The following SAMSN1 variants were observed in gnomAD, a reference collection of about 807,000 sequenced individuals.
SAMSN1 encodes SAM domain, SH3 domain and nuclear localization signals 1, also known as SAM domain-containing protein SAMSN-1.
In SAMSN1, 31 loss-of-function variants were observed where a neutral mutation model predicts 42.0. The ratio of observed to expected loss-of-function variants is 0.74; its 90% CI spans 0.55 to 1.00. The LOEUF is 1.00. Among genes scored for constraint, SAMSN1 ranks in the 50% least tolerant of loss-of-function variants. The pLI is 0.00. For missense variants in SAMSN1, 464 were observed against 439.4 expected, an observed-to-expected ratio of 1.06 and a Z score of -0.50; for synonymous variants, 178 against 151.9, an observed-to-expected ratio of 1.17 and a Z score of -1.26.
intron 2 of SAMSN1, among the ~76,000 whole-genome samples, chr21:14,628,001 C>T (rs1245329231): frequency 1.3e-5 from 2 of 152,048 alleles, no homozygotes; most frequent in Non-Finnish European, 2.9e-5. Context: ...ACAAAGTTTG[C>T]TCTAGTCCAG....
intron 5 of SAMSN1, among the ~76,000 whole-genome samples, chr21:14,606,733 A>G (rs1200091234): frequency 6.6e-6 from 1 of 152,218 alleles, no homozygotes; most frequent in Admixed American, 6.5e-5. Context: ...CTCTTTTAAT[A>G]GAACAGATGT....
rs929708847 is a variant in SAMSN1 at position 14,604,037 on chromosome 21, C to A, written c.323-1938G>T. 4.6e-5 allele frequency among the ~76,000 whole-genome samples: 7 copies of A among 152,234 alleles called. No homozygotes were observed. In the South Asian group the frequency reaches 1.0e-3, roughly 23 times the overall value. On this transcript the variant is annotated intron_variant, in intron 5 of 15. Transcript: ENST00000647101. Reference sequence around the variant, plus strand: ...AGCTATAGAGGTACCATTTTACAGCCCCTGCTGTAAAAAATGGGGGACCTT... The same window carrying A: ...AGCTATAGAGGTACCATTTTACAGCACCTGCTGTAAAAAATGGGGGACCTT...
At chr21:14,618,709 C>CGTGT (rs140423899) in intron 2 of SAMSN1, among the ~76,000 whole-genome samples, 111 of 144,992 alleles carry the variant, frequency 7.7e-4, no homozygotes, top group East Asian at 3.5e-3. Context: ...CGCGCACGCG[C>CGTGT]GTGTGTGTGT....
chr21:14,585,873 A>T (rs1379003748), upstream of SAMSN1, among the ~76,000 whole-genome samples: 1 of 152,182 alleles, frequency 6.6e-6, no homozygotes. Flanking sequence ...TCCTCTTGTT[A>T]ATAGGTACTA....
upstream of SAMSN1, among the ~76,000 whole-genome samples, chr21:14,584,820 A>G (rs1037617435): frequency 6.6e-6 from 1 of 152,210 alleles, no homozygotes; most frequent in Admixed American, 6.5e-5. Context: ...ACATATTTAT[A>G]ATAATGCTTT....
chr21:14,612,000 C>T (rs1292580), intron 4 of SAMSN1, among the ~76,000 whole-genome samples: 17,735 of 152,012 alleles, frequency 0.12, 1,155 homozygotes, highest in African/African-American at 0.17. Context: ...TTTGAGAGGT[C>T]GAGGCAGGCG....
chr21:14,545,033 T>C (rs1980297675), intron 1 of SAMSN1, among the ~76,000 whole-genome samples: 2 of 152,242 alleles, frequency 1.3e-5, no homozygotes, highest in African/African-American at 2.4e-5. Flanking sequence ...GAGTTTTTCT[T>C]ATATTAGGGA....
chr21:14,653,269 T>C (rs1983863894), intron 1 of SAMSN1, among the ~76,000 whole-genome samples: 1 of 151,872 alleles, frequency 6.6e-6, no homozygotes, highest in Non-Finnish European at 1.5e-5. Context: ...GATGAATGGA[T>C]AAAGAAAATA....
At position 14,540,233 on chromosome 21, in the gene SAMSN1, C is replaced by G. The variant is rs558478324; in HGVS notation, c.57+5972G>C. ...TTACCATTCAGGACATAGGCATGGG[C>G]AAGGACTTCATGTCTAAAACACCAA... is the stretch of plus-strand genomic sequence containing the variant. On this transcript the variant is annotated intron_variant, in intron 1 of 7. Transcript: ENST00000400566. 9.0e-3 allele frequency among the ~76,000 whole-genome samples: 1,365 copies of G among 152,248 alleles called. 8 individuals are homozygous for G. The highest frequency in any genetic ancestry group is 0.026 in the South Asian group (124 of 4,830).
At chr21:14,609,731 G>A (rs562878752) in intron 4 of SAMSN1, among the ~76,000 whole-genome samples, 11 of 152,334 alleles carry the variant, frequency 7.2e-5, no homozygotes, top group East Asian at 5.8e-4. Flanking sequence ...CAGGGACCCC[G>A]AACGGAGGGA....
chr21:14,579,641 C>CTTTTTT (rs1247868810), intron 2 of SAMSN1, among the ~76,000 whole-genome samples: 10 of 89,136 alleles, frequency 1.1e-4, no homozygotes, highest in Admixed American at 2.4e-4. Context: ...AAAATGCTCA[C>CTTTTTT]TTTTTTTTTT....
At chr21:14,634,424 G>C (rs894661261) in intron 2 of SAMSN1, among the ~76,000 whole-genome samples, 2 of 151,814 alleles carry the variant, frequency 1.3e-5, no homozygotes, top group African/African-American at 4.8e-5. Flanking sequence ...ATGTGACAAA[G>C]GTCTAGTATC....
At chr21:14,658,420 T>G (rs1409072955) in intron 1 of SAMSN1, among the ~76,000 whole-genome samples, 1 of 151,920 alleles carries the variant, frequency 6.6e-6, no homozygotes, top group Non-Finnish European at 1.5e-5. Context: ...AGCCTGCATA[T>G]TTTGCAAAAT....
At chr21:14,490,793 T>G (rs576074844) in intron 7 of SAMSN1, among the ~76,000 whole-genome samples, 1 of 152,278 alleles carries the variant, frequency 6.6e-6, no homozygotes, top group East Asian at 1.9e-4. Context: ...TGCATATCTC[T>G]TTTTGGAGCC....
rs1228469023 is a variant in SAMSN1, at chr21:14,546,198, A to T, written c.57+7T>A. On this transcript the variant is annotated splice_region_variant and intron_variant, in intron 1 of 7. Transcript: ENST00000400566. ...ATTTTATTTAACTATGTATGAAATC[A>T]CCTTACCTTTGGTTTTTGATGTTTC... The T allele has an allele frequency of 6.2e-7, 1 of 1,610,474 alleles. No individual in the cohort carries two copies. Among genetic ancestry groups the T allele is most frequent in the Non-Finnish European group, 8.5e-7 (1 of 1,177,258 alleles).
At chr21:14,536,093 G>A (rs1481365829) in intron 1 of SAMSN1, among the ~76,000 whole-genome samples, 1 of 152,158 alleles carries the variant, frequency 6.6e-6, no homozygotes, top group Non-Finnish European at 1.5e-5. Flanking sequence ...CTACTAAGAA[G>A]CTAATATGAA....
intron 2 of SAMSN1, among the ~76,000 whole-genome samples, chr21:14,560,703 T>C (rs541675953): frequency 9.8e-5 from 15 of 152,330 alleles, no homozygotes; most frequent in South Asian, 8.3e-4. Flanking sequence ...CTCCACATTT[T>C]AGTCAGTGCC....
rs954378133 is a variant in SAMSN1, at chr21:14,500,596, G to C, written c.701C>G (p.Ala234Gly). The C allele has an allele frequency of 6.2e-7, 1 of 1,614,044 alleles. No homozygotes were observed. Among genetic ancestry groups the C allele is most frequent in the Non-Finnish European group, 8.5e-7 (1 of 1,180,002 alleles). Residue 234 changes from alanine to glycine, a missense_variant, in exon 6 of 8, where the codon GCA becomes GGA. Transcript: ENST00000400566. ...EEEAAPKKIK[A>G]NRRSNSKKSK... is the part of the protein sequence containing the mutation. ...TTTTTTGCTGTTACTCCTTCGGTTT[G>C]CCTTTATTTTCTTGGGGGCTGCTTC...
intron 2 of SAMSN1, among the ~76,000 whole-genome samples, chr21:14,639,781 A>G (rs463266): frequency 0.65 from 98,429 of 151,934 alleles, 32,915 homozygotes; most frequent in Middle Eastern, 0.79. Flanking sequence ...ACTTAGCCGC[A>G]TGCTTGTTCA....
Sources: allele counts gnomAD v4.1 joint callset (sites outside exome capture counted in the v4.1 genomes callset), GRCh38; gene constraint gnomAD v4.1.1; transcripts MANE v1.5; gene names NCBI Gene and HGNC (gene_info 2026-07-23, HGNC 2026-07-21).